The following NF1 variants were observed in gnomAD, a reference collection of about 807,000 sequenced individuals.
NF1 encodes neurofibromin 1.
NF1 carries 122 observed loss-of-function variants against 325.7 expected under a neutral mutation model. The ratio of observed to expected loss-of-function variants is 0.37; its 90% CI spans 0.32 to 0.44. The LOEUF (loss-of-function observed/expected upper bound fraction) is 0.44. Among genes scored for constraint, NF1 ranks in the 20% least tolerant of loss-of-function variants. The probability of loss-of-function intolerance (pLI) is 1.00; values close to 1 mark genes in which losing one functional copy is unlikely to be tolerated. For missense variants in NF1, 2,140 were observed against 3,415.4 expected (o/e 0.63, Z 9.31); for synonymous variants, 1,091 against 1,186.0 (o/e 0.92, Z 1.65).
At chr17:31,219,761 T>C (rs1190240803) in intron 14 of NF1, among the ~76,000 whole-genome samples, 1 of 151,974 alleles carries the variant, frequency 6.6e-6, no homozygotes, top group Non-Finnish European at 1.5e-5. Context: ...ACTAATCTAT[T>C]TTCTGTCTCT....
rs571922700 is a variant in NF1, at chr17:31,329,468, G to A, written c.5610-828G>A. Among the ~76,000 whole-genome samples the A allele has an allele frequency of 3.3e-5, 5 of 152,244 alleles. 1 individual carries two copies. In the South Asian group the frequency reaches 1.0e-3, roughly 32 times the overall value. On this transcript the variant is annotated intron_variant, in intron 38 of 57. Coordinates refer to ENST00000358273, the MANE Select transcript of NF1 (RefSeq NM_001042492.3). The stretch of plus-strand genomic sequence containing the variant: ...CCTATATGGTTGTTGCATCAATATA[G>A]TAGCATGATAAACATTCAGAGGTAA...
chr17:31,181,332 G>C, intron 5 of NF1, 90 bp from the exon 6 acceptor site: 1 of 1,199,356 alleles, frequency 8.3e-7, no homozygotes. Context: ...TGGAGCAAAA[G>C]TAATACGTAA....
In NF1 at chr17:31,117,672, C is replaced by CAAAAAAAAAA. The variant is rs780828438; in HGVS notation, c.60+22325_60+22334dup. ...TGGGTGACAGAGCAAAACTCCATCT[C>CAAAAAAAAAA]AAAAAAAAAAAAAAAAAAAAAAAAA... On this transcript the variant is annotated intron_variant, in intron 1 of 57. Coordinates refer to ENST00000358273, the MANE Select transcript of NF1 (RefSeq NM_001042492.3). Among the ~76,000 whole-genome samples the CAAAAAAAAAA allele has an allele frequency of 3.6e-3, 71 of 19,816 alleles. 15 individuals carry two copies. The highest frequency in any genetic ancestry group is 6.6e-3 in the Admixed American group (5 of 752). The allele number at this position is 19,816 out of a possible 152,430, so 13.0% of individuals were successfully genotyped here. A position where few individuals can be genotyped will look rare whatever the true frequency, so the allele number is the denominator to read the frequency against.
chr17:31,095,295 G>A lies in NF1; in HGVS notation c.-15G>A. On this transcript the variant is annotated 5_prime_UTR_variant, in exon 1 of 58. Coordinates refer to ENST00000358273, the MANE Select transcript of NF1 (RefSeq NM_001042492.3). ...CCCACCCTTCCCTCCGCCGCCCCCCGGCCGCGGGGAGGACATGGCCGCGCA... is the reference window on the plus strand; with the variant it reads ...CCCACCCTTCCCTCCGCCGCCCCCCAGCCGCGGGGAGGACATGGCCGCGCA... 1 of 1,536,008 alleles carries A rather than the reference G, an allele frequency of 6.5e-7. No individual in the cohort carries two copies. The highest frequency in any genetic ancestry group is 8.7e-7 in the Non-Finnish European group (1 of 1,146,030).
chr17:31,243,184 C>CTGTGTGTG lies in NF1; in HGVS notation c.3975-5778_3975-5771dup, dbSNP rs377472053. 5.7e-4 allele frequency among the ~76,000 whole-genome samples: 79 copies of CTGTGTGTG among 137,560 alleles called. 2 individuals carry two copies. The highest frequency in any genetic ancestry group is 7.7e-4 in the African/African-American group (26 of 33,704). 90.2% of individuals were successfully genotyped at this position (137,560 alleles called of 152,430 possible). A position where few individuals can be genotyped will look rare whatever the true frequency, so the allele number is the denominator to read the frequency against. ...AAACAGAGTCAGTCTCTCTCTCTGTCTGTGTGTGTGTGTGTGTGTGTGTGT... is the reference window on the plus strand; with the variant it reads ...AAACAGAGTCAGTCTCTCTCTCTGTCTGTGTGTGTGTGTGTGTGTGTGTGTGTGTGTGT... On this transcript the variant is annotated intron_variant, in intron 29 of 57. Coordinates refer to ENST00000358273, the MANE Select transcript of NF1 (RefSeq NM_001042492.3).
chr17:31,373,499 A>G (rs981937811), intron 57 of NF1, among the ~76,000 whole-genome samples: 1 of 152,248 alleles, frequency 6.6e-6, no homozygotes, highest in African/African-American at 2.4e-5. Flanking sequence ...TATGATAGCA[A>G]ACTTTGCATA....
chr17:31,301,318 C>G (rs185298661), intron 36 of NF1, among the ~76,000 whole-genome samples: 137 of 152,098 alleles, frequency 9.0e-4, no homozygotes, highest in Middle Eastern at 3.4e-3. Context: ...AACTCTGGTC[C>G]TTGGTGTTCC....
intron 32 of NF1, among the ~76,000 whole-genome samples, chr17:31,258,812 A>G (rs1340145464): frequency 6.6e-6 from 1 of 152,160 alleles, no homozygotes; most frequent in Non-Finnish European, 1.5e-5. Flanking sequence ...AAAAGTCATT[A>G]AACATTTTTA....
rs1555535200 is a variant in NF1 at position 31,340,642 on chromosome 17, C to T, written c.7059C>T (p.Asp2353=). 1.9e-6 allele frequency: 3 copies of T among 1,614,008 alleles called. No homozygotes were observed. The highest frequency in any genetic ancestry group is 1.7e-5 in the Admixed American group (1 of 60,008). Reference sequence around the variant, plus strand: ...TAGATAGTCTCCGTATATTCAATGACAAGGTAAGCAAACTTTGCCTTGAGG... The same window carrying T: ...TAGATAGTCTCCGTATATTCAATGATAAGGTAAGCAAACTTTGCCTTGAGG... ...HTLDSLRIFN[D]KSPEEVFMAI... Residue 2353 remains aspartate, a synonymous_variant, in exon 47 of 58, where the codon GAC becomes GAT. Coordinates refer to ENST00000358273, the MANE Select transcript of NF1 (RefSeq NM_001042492.3).
At chr17:31,175,675 T>C (rs1315361156) in intron 5 of NF1, among the ~76,000 whole-genome samples, 3 of 152,200 alleles carry the variant, frequency 2.0e-5, no homozygotes, top group Non-Finnish European at 4.4e-5. Context: ...ATCCCTTACC[T>C]CAGCCCCCAC....
At chr17:31,212,174 G>A (rs918952053) in intron 12 of NF1, among the ~76,000 whole-genome samples, 4 of 152,032 alleles carry the variant, frequency 2.6e-5, no homozygotes, top group African/African-American at 7.2e-5. Flanking sequence ...ACTGTTTTAA[G>A]ATCTGGGACA....
chr17:31,335,060 G>T, intron 40 of NF1, 29 bp downstream of exon 40: 1 of 1,576,224 alleles, frequency 6.3e-7, no homozygotes, highest in Middle Eastern at 1.7e-4. Flanking sequence ...TATTTATCTA[G>T]TATCTCCTTT....
chr17:31,226,592 G>A lies in NF1; in HGVS notation c.2159G>A (p.Arg720Gln), dbSNP rs1350468182. Residue 720 changes from arginine to glutamine, a missense_variant, in exon 18 of 58, where the codon CGG (arginine) becomes CAG (glutamine). Physicochemically the swap from Arg to Gln is conservative, Grantham distance 43 (BLOSUM62 1). Transcript: ENST00000358273. ...FRHLCEEADI[R>Q]CGVDEVSVHN... ...CACCTCTGTGAGGAAGCAGATATCC[G>A]GTGTGGGGTGGATGAAGTGTCAGTG... is the stretch of plus-strand genomic sequence containing the variant. 4.3e-6 allele frequency: 7 copies of A among 1,613,736 alleles called. No homozygotes were observed. Among genetic ancestry groups the A allele is most frequent in the Non-Finnish European group, 5.9e-6 (7 of 1,179,800 alleles).
rs1597723015 is a variant in NF1 at position 31,235,998 on chromosome 17, T to C, written c.3951T>C (p.Val1317=). The change falls in exon 29 of 58, where the codon GTT becomes GTC. Residue 1317 remains valine, a synonymous_variant. Coordinates refer to ENST00000358273, the MANE Select transcript of NF1 (RefSeq NM_001042492.3). ...TCACATCCTCTGATTGGCAACATGT[T>C]AGCTTTGAAGTGGATCCTACCAGGT... The part of the protein sequence containing the change: ...IVITSSDWQH[V]SFEVDPTRLE... 4.3e-6 allele frequency: 7 copies of C among 1,614,006 alleles called. No homozygotes were observed. Among genetic ancestry groups the C allele is most frequent in the Non-Finnish European group, 5.9e-6 (7 of 1,179,934 alleles).
intron 1 of NF1, among the ~76,000 whole-genome samples, chr17:31,140,534 TA>T (rs1916137374): frequency 6.6e-6 from 1 of 152,240 alleles, no homozygotes; most frequent in Non-Finnish European, 1.5e-5. Flanking sequence ...AGTTATCACT[TA>T]AAATCCTTAT....
In NF1 at chr17:31,360,622, C is replaced by T. The variant is rs749647961; in HGVS notation, c.8296C>T (p.Leu2766=). 3 of 1,614,178 alleles carry T rather than the reference C, an allele frequency of 1.9e-6. No homozygotes were observed. The highest frequency in any genetic ancestry group is 2.5e-6 in the Non-Finnish European group (3 of 1,180,018). ...TCCCACATCTCCTTACCCTCCTGCACTGCAGAGCCAGCTTAGTATCACTGC... is the reference window on the plus strand; with the variant it reads ...TCCCACATCTCCTTACCCTCCTGCATTGCAGAGCCAGCTTAGTATCACTGC... ...LTPTSPYPPA[L]QSQLSITANL... The change falls in exon 57 of 58, where the codon CTG becomes TTG. Residue 2766 remains leucine, a synonymous_variant. Coordinates refer to ENST00000358273, the MANE Select transcript of NF1 (RefSeq NM_001042492.3).
chr17:31,280,632 C>G (rs767557055), intron 36 of NF1, among the ~76,000 whole-genome samples: 30 of 151,766 alleles, frequency 2.0e-4, no homozygotes, highest in Non-Finnish European at 3.2e-4. Context: ...CTTTGCTGAC[C>G]TCTGGTCTAG....
Position 31,360,659 on chromosome 17 carries a change from T to G in NF1, c.8333T>G (p.Leu2778Arg), listed in dbSNP as rs1555537253. 1 of 1,614,132 alleles carries G rather than the reference T, an allele frequency of 6.2e-7. No individual in the cohort carries two copies. The highest frequency in any genetic ancestry group is 8.5e-7 in the Non-Finnish European group (1 of 1,180,034). Reference sequence around the variant, plus strand: ...CTTAGTATCACTGCCAACCTTAACCTTTCTAATTCCATGACCTCACTTGCA... The same window carrying G: ...CTTAGTATCACTGCCAACCTTAACCGTTCTAATTCCATGACCTCACTTGCA... ...SQLSITANLN[L>R]SNSMTSLATS... Residue 2778 changes from leucine to arginine, a missense_variant, in exon 57 of 58, where the codon CTT (leucine) becomes CGT (arginine). Physicochemically the swap from Leu to Arg is moderately radical, Grantham distance 102 (BLOSUM62 -2). Coordinates refer to ENST00000358273, the MANE Select transcript of NF1 (RefSeq NM_001042492.3).
intron 16 of NF1, among the ~76,000 whole-genome samples, chr17:31,224,111 TC>T (rs1233125781): frequency 6.6e-6 from 1 of 152,038 alleles, no homozygotes; most frequent in African/African-American, 2.4e-5. Context: ...CAGTTGAGGG[TC>T]CTCAATCTAG....
Sources: gnomAD v4.1 joint callset for allele counts (sites outside exome capture counted in the v4.1 genomes callset) on GRCh38, gnomAD v4.1.1 for gene constraint, MANE v1.5 for transcripts, NCBI Gene and HGNC (gene_info 2026-07-23, HGNC 2026-07-21) for gene names.